Variants in RIMS1 observed in about 807,000 individuals in gnomAD.
RIMS1 encodes the protein regulating synaptic membrane exocytosis protein 1.
In RIMS1, 83 loss-of-function variants were observed where a neutral mutation model predicts 214.1. The observed-to-expected ratio is 0.39, with a 90% CI of 0.32 to 0.47. RIMS1 has a LOEUF of 0.47. RIMS1 is among the 20% of genes least tolerant of loss of function. The pLI, the probability that RIMS1 is intolerant of heterozygous loss-of-function variation, is 0.99. For missense variants in RIMS1, 2,050 were observed against 2,161.8 expected (o/e 0.95, Z 1.03); for synonymous variants, 793 against 786.8 (o/e 1.01, Z -0.13).
At chr6:72,354,957 C>T (rs758736069) in intron 29 of RIMS1, among the ~76,000 whole-genome samples, 2 of 151,956 alleles carry the variant, frequency 1.3e-5, no homozygotes, top group African/African-American at 4.8e-5. Context: ...AAATATTAAA[C>T]GCGAGGAATG....
intron 2 of RIMS1, among the ~76,000 whole-genome samples, chr6:71,989,845 T>G (rs1801058506): frequency 6.6e-6 from 1 of 152,178 alleles, no homozygotes; most frequent in Admixed American, 6.5e-5. Flanking sequence ...GTGTCCTGCA[T>G]GACCTGGCCT....
rs1028716951 is a variant in RIMS1, at chr6:72,321,063, G to A, written c.4130+7391G>A. ...TGATTGATATTTGCTAACTGTATAC[G>A]TACTACTTATGCAGCATAATGAATA... On this transcript the variant is annotated intron_variant, in intron 28 of 33. Transcript: ENST00000521978. 3.9e-5 allele frequency among the ~76,000 whole-genome samples: 6 copies of A among 151,996 alleles called. No individual in the cohort carries two copies. The East Asian group carries it at 7.7e-4, about 20-fold the overall frequency.
intron 28 of RIMS1, among the ~76,000 whole-genome samples, chr6:72,317,649 C>G (rs1183790533): frequency 6.6e-6 from 1 of 152,070 alleles, no homozygotes; most frequent in Non-Finnish European, 1.5e-5. Flanking sequence ...CACAATAGTT[C>G]TTCAATTCAG....
At chr6:72,004,808 C>G (rs1003948600) in intron 2 of RIMS1, among the ~76,000 whole-genome samples, 4 of 151,346 alleles carry the variant, frequency 2.6e-5, no homozygotes, top group African/African-American at 9.6e-5. Flanking sequence ...AATTTTCTCC[C>G]ATTCTGTAGG....
At chr6:72,302,502 T>C (rs906367590) in intron 26 of RIMS1, among the ~76,000 whole-genome samples, 1 of 151,652 alleles carries the variant, frequency 6.6e-6, no homozygotes, top group African/African-American at 2.4e-5. Flanking sequence ...TCAGCTTTTT[T>C]TTTCCACTGC....
chr6:72,088,217 C>CTTTATTTATTTA lies in RIMS1; in HGVS notation c.246-8696_246-8685dup, dbSNP rs3079733. Among the ~76,000 whole-genome samples the CTTTATTTATTTA allele has an allele frequency of 4.8e-3, 681 of 142,824 alleles. 6 individuals are homozygous for CTTTATTTATTTA. Among genetic ancestry groups the CTTTATTTATTTA allele is most frequent in the Non-Finnish European group, 4.8e-3 (313 of 65,798 alleles). The allele number at this position is 142,824 out of a possible 152,430, so 93.7% of individuals were successfully genotyped here. A position where few individuals can be genotyped will look rare whatever the true frequency, so the allele number is the denominator to read the frequency against. On this transcript the variant is annotated intron_variant, in intron 2 of 33. Transcript: ENST00000521978. ...CATTAATTTTTATTTTATTTATTTA[C>CTTTATTTATTTA]TTTATTTATTTATTTATTTATTTAT...
chr6:72,344,770 A>T (rs2097204192), intron 29 of RIMS1, among the ~76,000 whole-genome samples: 1 of 151,750 alleles, frequency 6.6e-6, no homozygotes, highest in South Asian at 2.1e-4. Context: ...TTCTAAAGAG[A>T]TGCCCTAATA....
intron 29 of RIMS1, among the ~76,000 whole-genome samples, chr6:72,340,785 T>C (rs1361646799): frequency 6.6e-6 from 1 of 152,096 alleles, no homozygotes; most frequent in Non-Finnish European, 1.5e-5. Flanking sequence ...TGGTTCCATA[T>C]GAACTTTAAA....
intron 31 of RIMS1, among the ~76,000 whole-genome samples, chr6:72,393,166 A>G (rs948337962): frequency 5.9e-5 from 9 of 152,028 alleles, no homozygotes; most frequent in Admixed American, 2.6e-4. Flanking sequence ...GAATTCCCTC[A>G]CGCCTACACA....
intron 29 of RIMS1, among the ~76,000 whole-genome samples, chr6:72,339,221 C>G (rs976294244): frequency 6.6e-6 from 1 of 151,826 alleles, no homozygotes; most frequent in African/African-American, 2.4e-5. Flanking sequence ...GATAAGTACA[C>G]AAGGAAGGAC....
intron 1 of RIMS1, among the ~76,000 whole-genome samples, chr6:71,966,180 G>A (rs1794392229): frequency 1.3e-5 from 2 of 152,172 alleles, no homozygotes; most frequent in African/African-American, 4.8e-5. Context: ...GAAACAATTA[G>A]TTTCCTCCCT....
intron 6 of RIMS1, among the ~76,000 whole-genome samples, chr6:72,230,598 T>G (rs1379732757): frequency 6.6e-6 from 1 of 151,570 alleles, no homozygotes; most frequent in Non-Finnish European, 1.5e-5. Flanking sequence ...CTAGACATCA[T>G]GATACACAAT....
At chr6:72,279,089 A>G (rs1295740161) in intron 23 of RIMS1, among the ~76,000 whole-genome samples, 2 of 152,034 alleles carry the variant, frequency 1.3e-5, no homozygotes, top group East Asian at 3.8e-4. Flanking sequence ...GTCCTTTAAT[A>G]AAATTTTAGT....
At chr6:72,026,721 A>G (rs959187501) in intron 2 of RIMS1, among the ~76,000 whole-genome samples, 2 of 152,076 alleles carry the variant, frequency 1.3e-5, no homozygotes, top group African/African-American at 4.8e-5. Context: ...ATCACCTCAC[A>G]CAACCCCTCA....
chr6:72,224,897 A>T (rs1043465910), intron 6 of RIMS1, among the ~76,000 whole-genome samples: 1 of 152,210 alleles, frequency 6.6e-6, no homozygotes, highest in Admixed American at 6.5e-5. Context: ...CTGATTTCCT[A>T]TAGCTGTAGT....
chr6:72,156,686 C>T lies in RIMS1; in HGVS notation c.472-22889C>T, dbSNP rs1340709590. 1.4e-5 allele frequency among the ~76,000 whole-genome samples: 2 copies of T among 139,894 alleles called. 1 individual carries two copies. Among genetic ancestry groups the T allele is most frequent in the Non-Finnish European group, 3.3e-5 (2 of 61,490 alleles). The allele number at this position is 139,894 out of a possible 152,430, so 91.8% of individuals were successfully genotyped here. A position where few individuals can be genotyped will look rare whatever the true frequency, so the allele number is the denominator to read the frequency against. ...ACTTAAGGTAATGGATATGTTGATA[C>T]CTTGATTGTGGTAATCACTTTACAA... is the stretch of plus-strand genomic sequence containing the variant. On this transcript the variant is annotated intron_variant, in intron 4 of 33. Transcript: ENST00000521978.
At chr6:72,364,310 G>A (rs2097918103) in intron 29 of RIMS1, among the ~76,000 whole-genome samples, 1 of 151,956 alleles carries the variant, frequency 6.6e-6, no homozygotes, top group South Asian at 2.1e-4. Flanking sequence ...TTTCTCTGTT[G>A]ATCAAGATCT....
At chr6:71,993,509 T>G (rs1323545287) in intron 2 of RIMS1, among the ~76,000 whole-genome samples, 2 of 152,232 alleles carry the variant, frequency 1.3e-5, no homozygotes, top group Non-Finnish European at 2.9e-5. Flanking sequence ...ATTGGCCTAA[T>G]TTTTAAATGG....
chr6:72,222,198 T>C (rs1348283445), intron 6 of RIMS1, among the ~76,000 whole-genome samples: 3 of 152,074 alleles, frequency 2.0e-5, no homozygotes, highest in Non-Finnish European at 4.4e-5. Flanking sequence ...TTATCAGTGC[T>C]AATGGTTTGC....
Sources: allele counts gnomAD v4.1 joint callset (sites outside exome capture counted in the v4.1 genomes callset), GRCh38; gene constraint gnomAD v4.1.1; transcripts MANE v1.5; gene names NCBI Gene and HGNC (gene_info 2026-07-23, HGNC 2026-07-21).